Variants in TYW1 observed in about 807,000 individuals in gnomAD.
TYW1 encodes tRNA-yW synthesizing protein 1 homolog, also known as S-adenosyl-L-methionine-dependent tRNA 4-demethylwyosine synthase TYW1.
TYW1 carries 46 observed loss-of-function variants against 96.2 expected under a neutral mutation model. The observed-to-expected ratio is 0.48, with a 90% CI of 0.38 to 0.61. The LOEUF (loss-of-function observed/expected upper bound fraction) is 0.61. Among genes scored for constraint, TYW1 ranks in the 20% least tolerant of loss-of-function variants. The pLI is 0.00. For missense variants in TYW1, 684 were observed against 909.6 expected, an observed-to-expected ratio of 0.75 and a Z score of 3.19; for synonymous variants, 274 against 323.0, an observed-to-expected ratio of 0.85 and a Z score of 1.63.
chr7:67,074,515 T>C (rs772738268), intron 10 of TYW1, among the ~76,000 whole-genome samples: 4 of 152,164 alleles, frequency 2.6e-5, no homozygotes, highest in Non-Finnish European at 5.9e-5. Flanking sequence ...CTTAATGAGA[T>C]TTTTAGAAAG....
At position 67,083,516 on chromosome 7, in the gene TYW1, A is replaced by G. The variant is rs1406439418; in HGVS notation, c.1361A>G (p.Gln454Arg). The change falls in exon 11 of 16, where the codon CAG becomes CGG. Residue 454 changes from glutamine to arginine, a missense_variant. By Grantham distance (43) the Gln-to-Arg change is conservative (BLOSUM62 1). Transcript: ENST00000359626. ...TTGAAGGAAGCCATTGAAAACCATC[A>G]GAACATGATTAAGCAGTTTAAAGGT... ...MILKEAIENH[Q>R]NMIKQFKGVP... 1 of 1,614,200 alleles carries G rather than the reference A, an allele frequency of 6.2e-7. No homozygotes were observed. Among genetic ancestry groups the G allele is most frequent in the Non-Finnish European group, 8.5e-7 (1 of 1,180,020 alleles).
chr7:67,018,271 G>A (rs1794097757), intron 6 of TYW1, 128 bp downstream of exon 6: 2 of 1,244,890 alleles, frequency 1.6e-6, no homozygotes, highest in Non-Finnish European at 2.2e-6. Flanking sequence ...GAGTGCAGTG[G>A]CTCGCACTTG....
At chr7:67,056,466 T>G (rs1795520985) in intron 9 of TYW1, among the ~76,000 whole-genome samples, 1 of 146,182 alleles carries the variant, frequency 6.8e-6, no homozygotes, top group African/African-American at 2.6e-5. Flanking sequence ...CACTCCAGCC[T>G]GGGTGATAAG....
intron 13 of TYW1, among the ~76,000 whole-genome samples, chr7:67,180,655 T>TTATTTATTTATTTATC (rs1237133159): frequency 1.3e-5 from 2 of 151,772 alleles, no homozygotes; most frequent in Non-Finnish European, 2.9e-5. Flanking sequence ...ATTTATTTAT[T>TTATTTATTTATTTATC]TATTTGAGAC....
intron 13 of TYW1, among the ~76,000 whole-genome samples, chr7:67,133,795 G>A (rs1186744429): frequency 6.6e-6 from 1 of 151,188 alleles, no homozygotes; most frequent in Non-Finnish European, 1.5e-5. Flanking sequence ...TCCATACCTT[G>A]CCCATTTCTC....
chr7:67,132,099 C>T (rs1310770152), intron 13 of TYW1, among the ~76,000 whole-genome samples: 1 of 151,116 alleles, frequency 6.6e-6, no homozygotes, highest in Admixed American at 6.6e-5. Context: ...TCCTTTAATA[C>T]AATCAAGTTG....
At chr7:67,077,752 T>C (rs906559987) in intron 10 of TYW1, among the ~76,000 whole-genome samples, 7 of 152,212 alleles carry the variant, frequency 4.6e-5, no homozygotes, top group African/African-American at 1.7e-4. Flanking sequence ...TTTGATATCA[T>C]CCTATTTATT....
At chr7:67,023,375 G>T (rs1323157223) in intron 6 of TYW1, among the ~76,000 whole-genome samples, 1 of 152,096 alleles carries the variant, frequency 6.6e-6, no homozygotes, top group Non-Finnish European at 1.5e-5. Flanking sequence ...GGGATTACAG[G>T]AGTGAGCCAC....
chr7:67,194,378 A>G (rs565276072), intron 14 of TYW1, among the ~76,000 whole-genome samples: 1 of 151,118 alleles, frequency 6.6e-6, no homozygotes, highest in African/African-American at 2.4e-5. Context: ...TGATCCCAGC[A>G]CCTTGGGAGG....
rs551970309 is a variant in TYW1, at chr7:67,024,846, G to A, written c.862-54G>A. 4.4e-6 allele frequency: 7 copies of A among 1,600,378 alleles called. No individual in the cohort carries two copies. The African/African-American group carries it at 9.4e-5, about 22-fold the overall frequency. ...TCTCAGTGTGGGAGGGAGGGTAAGA[G>A]AGCTTTGCCTTTGCCCCTTTGAACA... On this transcript the variant is annotated intron_variant, in intron 6 of 15. Transcript: ENST00000359626.
rs35498526 is a variant in TYW1 at position 67,102,947 on chromosome 7, T to C, written c.1562+4229T>C. 2.9e-4 allele frequency among the ~76,000 whole-genome samples: 44 copies of C among 152,286 alleles called. No homozygotes were observed. In the East Asian group the frequency reaches 5.4e-3, roughly 19 times the overall value. ...TATAGGCGTGAGCCATCACGCCCGGTCACGCTTTTGGATTTTTAAAGCATC... is the reference window on the plus strand; with the variant it reads ...TATAGGCGTGAGCCATCACGCCCGGCCACGCTTTTGGATTTTTAAAGCATC... On this transcript the variant is annotated intron_variant, in intron 12 of 15. Transcript: ENST00000359626.
intron 4 of TYW1, among the ~76,000 whole-genome samples, chr7:67,011,080 C>T (rs911044884): frequency 6.6e-6 from 1 of 152,076 alleles, no homozygotes; most frequent in African/African-American, 2.4e-5. Context: ...TCTTGTTGCC[C>T]AGGCTGGAGT....
chr7:67,068,451 T>C (rs904449751), intron 10 of TYW1, among the ~76,000 whole-genome samples: 14 of 152,222 alleles, frequency 9.2e-5, no homozygotes, highest in Admixed American at 2.6e-4. Context: ...TCAGATCTAA[T>C]AGAAGCTACT....
chr7:67,084,366 G>C (rs932773212), intron 11 of TYW1, among the ~76,000 whole-genome samples: 1 of 152,118 alleles, frequency 6.6e-6, no homozygotes, highest in Non-Finnish European at 1.5e-5. Context: ...ATTTAATTCT[G>C]TCTCATATTA....
rs2711925 is a variant in TYW1 at position 67,100,310 on chromosome 7, C to T, written c.1562+1592C>T. On this transcript the variant is annotated intron_variant, in intron 12 of 15. Transcript: ENST00000359626. ...TTGTGTCATACTGGGACTAGGCACA[C>T]GCTGTAACACCAAAAGTATTACAAA... Among the ~76,000 whole-genome samples the T allele has an allele frequency of 1.3e-4, 19 of 151,964 alleles. 1 individual carries two copies. The highest frequency in any genetic ancestry group is 8.3e-4 in the South Asian group (4 of 4,814).
At chr7:67,123,689 A>G (rs1444510509) in intron 13 of TYW1, among the ~76,000 whole-genome samples, 1 of 152,214 alleles carries the variant, frequency 6.6e-6, no homozygotes, top group Non-Finnish European at 1.5e-5. Flanking sequence ...AAGAAGGCAA[A>G]GAGGGAGTCT....
chr7:67,175,811 T>C (rs1449416227), intron 13 of TYW1, among the ~76,000 whole-genome samples: 3 of 152,216 alleles, frequency 2.0e-5, no homozygotes, highest in African/African-American at 4.8e-5. Flanking sequence ...ATAAAAGTCA[T>C]ACTTCTTGAG....
chr7:67,024,106 AGGTGAAG>A (rs1174068057), intron 6 of TYW1, among the ~76,000 whole-genome samples: 2 of 152,128 alleles, frequency 1.3e-5, no homozygotes, highest in Non-Finnish European at 2.9e-5. Flanking sequence ...GTGAGAGGGC[AGGTGAAG>A]TGTTAGTTGT....
intron 12 of TYW1, among the ~76,000 whole-genome samples, chr7:67,111,313 C>T (rs1428243333): frequency 1.3e-5 from 2 of 152,086 alleles, no homozygotes; most frequent in Admixed American, 6.5e-5. Flanking sequence ...AAGCAATTCT[C>T]CTGCCTCAGC....
Sources: allele counts gnomAD v4.1 joint callset (sites outside exome capture counted in the v4.1 genomes callset), GRCh38; gene constraint gnomAD v4.1.1; transcripts MANE v1.5; gene names NCBI Gene and HGNC (gene_info 2026-07-23, HGNC 2026-07-21).